Variants in TOP6BL observed in about 807,000 individuals in gnomAD.
TOP6BL encodes TOP6B like initiator of meiotic double strand breaks.
chr11:66,832,588 G>A, the TOP6BL span, among the ~76,000 whole-genome samples: 1 of 152,322 alleles, frequency 6.6e-6, no homozygotes, highest in Middle Eastern at 3.4e-3. Flanking sequence ...CAGCAGTAAA[G>A]CCGTTAGTGC....
chr11:66,803,347 C>G, the TOP6BL span, among the ~76,000 whole-genome samples: 1 of 152,104 alleles, frequency 6.6e-6, no homozygotes, highest in Admixed American at 6.6e-5. Flanking sequence ...TTTGGGAGGC[C>G]AAGGCAGAAA....
At chr11:66,756,813 C>T in the TOP6BL span, among the ~76,000 whole-genome samples, 2 of 152,082 alleles carry the variant, frequency 1.3e-5, no homozygotes, top group South Asian at 4.1e-4. Context: ...CTGGGCTCAG[C>T]TGATCTTCCC....
the TOP6BL span, chr11:66,762,514 G>C: frequency 4.4e-6 from 1 of 229,672 alleles, no homozygotes; most frequent in South Asian, 5.1e-5. Context: ...CTGTCGCCCA[G>C]GCTAGAGAGC....
chr11:66,815,789 T>C, the TOP6BL span: 1 of 339,216 alleles, frequency 2.9e-6, no homozygotes, highest in East Asian at 4.9e-5. Context: ...GAATTTATTG[T>C]GTAGAGCTTC....
the TOP6BL span, chr11:66,822,728 G>C: frequency 7.9e-7 from 1 of 1,270,680 alleles, no homozygotes; most frequent in Non-Finnish European, 1.1e-6. Flanking sequence ...TTTTGGCTGG[G>C]TACGGTGGCT....
chr11:66,842,281 A>G, the TOP6BL span, among the ~76,000 whole-genome samples: 2,583 of 152,240 alleles, frequency 0.017, 73 homozygotes, highest in African/African-American at 0.058. Flanking sequence ...TTCCTTCTCT[A>G]TTCTAACCCT....
chr11:66,807,506 G>A, the TOP6BL span, among the ~76,000 whole-genome samples: 1 of 152,094 alleles, frequency 6.6e-6, no homozygotes, highest in African/African-American at 2.4e-5. Flanking sequence ...GGGAGGCGGT[G>A]GTTGCGGTGA....
the TOP6BL span, chr11:66,761,899 T>A: frequency 8.9e-6 from 11 of 1,230,660 alleles, no homozygotes; most frequent in Middle Eastern, 1.9e-4. Context: ...CCATCATTCT[T>A]TATAGCTTCA....
chr11:66,798,229 A>G, the TOP6BL span, among the ~76,000 whole-genome samples: 1 of 152,206 alleles, frequency 6.6e-6, no homozygotes, highest in African/African-American at 2.4e-5. Flanking sequence ...GAGAAGAGGA[A>G]GAAAAAGCAA....
At chr11:66,746,415 C>T in the TOP6BL span, among the ~76,000 whole-genome samples, 3 of 151,940 alleles carry the variant, frequency 2.0e-5, no homozygotes, top group African/African-American at 2.4e-5. Context: ...GAGGAAACTC[C>T]GTCTCTGAAA....
chr11:66,787,972 TA>T, the TOP6BL span, among the ~76,000 whole-genome samples: 2 of 152,222 alleles, frequency 1.3e-5, no homozygotes, highest in African/African-American at 4.8e-5. Flanking sequence ...CCTAATCCCA[TA>T]AAGTAATTCT....
chr11:66,748,354 TTTC>T, the TOP6BL span: 1 of 1,497,976 alleles, frequency 6.7e-7, no homozygotes, highest in Non-Finnish European at 9.0e-7. Context: ...AAGATTATGT[TTTC>T]TTTGAATTGT....
the TOP6BL span, chr11:66,843,340 T>C: frequency 6.8e-7 from 1 of 1,479,104 alleles, no homozygotes; most frequent in East Asian, 2.6e-5. Context: ...CTTCCGCGTC[T>C]GCTTCCGCGT....
the TOP6BL span, chr11:66,804,308 A>G: frequency 1.1e-6 from 1 of 935,868 alleles, no homozygotes; most frequent in Non-Finnish European, 1.5e-6. Context: ...GATTTGTATA[A>G]AAACATATAA....
chr11:66,836,220 G>A, the TOP6BL span, among the ~76,000 whole-genome samples: 3 of 151,854 alleles, frequency 2.0e-5, no homozygotes, highest in African/African-American at 4.8e-5. Context: ...CCCATTTGCT[G>A]TTGTTGTTGT....
the TOP6BL span, chr11:66,744,865 G>C: frequency 7.6e-7 from 1 of 1,311,462 alleles, no homozygotes; most frequent in Non-Finnish European, 9.7e-7. Flanking sequence ...CTTCGACTGG[G>C]CGTTGCCGCT....
At chr11:66,796,072 GT>G in the TOP6BL span, 1 of 497,154 alleles carries the variant, frequency 2.0e-6, no homozygotes, top group Non-Finnish European at 3.6e-6. Context: ...GTCTTCTGAA[GT>G]TCCGTGTAAT....
the TOP6BL span, among the ~76,000 whole-genome samples, chr11:66,793,464 T>A: frequency 6.8e-6 from 1 of 147,018 alleles, no homozygotes; most frequent in Admixed American, 6.8e-5. Context: ...TTTTTTTTTT[T>A]AGACAGAGTC....
the TOP6BL span, among the ~76,000 whole-genome samples, chr11:66,812,262 T>C: frequency 3.5e-4 from 53 of 150,062 alleles, no homozygotes; most frequent in Non-Finnish European, 6.0e-4. Context: ...CTGTAAGCTC[T>C]GCCTCCCGGG....
Sources: gnomAD v4.1 joint callset for allele counts (sites outside exome capture counted in the v4.1 genomes callset) on GRCh38, gnomAD v4.1.1 for gene constraint, MANE v1.5 for transcripts, NCBI Gene and HGNC (gene_info 2026-07-23, HGNC 2026-07-21) for gene names.